The following PHACTR1 variants were observed in gnomAD, a reference collection of about 807,000 sequenced individuals.
PHACTR1 encodes phosphatase and actin regulator 1, also known as RPEL repeat containing 1.
In PHACTR1, 16 loss-of-function variants were observed where a neutral mutation model predicts 69.2. That is an observed-to-expected ratio of 0.23 (90% CI 0.16 to 0.35). The LOEUF (loss-of-function observed/expected upper bound fraction) is 0.35. Among genes scored for constraint, PHACTR1 ranks in the 10% least tolerant of loss-of-function variants. The pLI is 1.00. For missense variants in PHACTR1, 510 were observed against 734.7 expected (o/e 0.69, Z 3.54); for synonymous variants, 312 against 284.5 (o/e 1.10, Z -0.97).
chr6:13,253,051 T>C (rs1373888372), intron 10 of PHACTR1: 1 of 455,192 alleles, frequency 2.2e-6, no homozygotes, highest in South Asian at 1.6e-5. Flanking sequence ...GGAAAATAGC[T>C]GTGGCCCCAC....
intron 5 of PHACTR1, among the ~76,000 whole-genome samples, chr6:13,063,874 C>T (rs111928175): frequency 0.019 from 2,921 of 152,012 alleles, 98 homozygotes; most frequent in African/African-American, 0.066. Context: ...AGAATCTGCT[C>T]ATGAAGGGTC....
chr6:12,863,738 G>T (rs114911186), intron 4 of PHACTR1, among the ~76,000 whole-genome samples: 1 of 152,152 alleles, frequency 6.6e-6, no homozygotes, highest in African/African-American at 2.4e-5. Context: ...TTGATTTGAC[G>T]CTTACCTTCT....
chr6:12,906,602 G>GA (rs1785757793), intron 4 of PHACTR1, among the ~76,000 whole-genome samples: 1 of 152,128 alleles, frequency 6.6e-6, no homozygotes, highest in African/African-American at 2.4e-5. Flanking sequence ...TGGCTCTAGG[G>GA]ATAGTACTAG....
At chr6:13,013,624 A>T (rs913611184) in intron 4 of PHACTR1, among the ~76,000 whole-genome samples, 4 of 151,634 alleles carry the variant, frequency 2.6e-5, no homozygotes, top group African/African-American at 9.7e-5. Context: ...ACCCCGAGAG[A>T]GGTGGGAGTG....
intron 5 of PHACTR1, among the ~76,000 whole-genome samples, chr6:13,094,380 C>T (rs1038159734): frequency 1.3e-5 from 2 of 151,440 alleles, no homozygotes; most frequent in African/African-American, 2.4e-5. Context: ...CTGCAACCTC[C>T]GCCTCCTGGG....
intron 4 of PHACTR1, among the ~76,000 whole-genome samples, chr6:12,751,026 A>G (rs1389838945): frequency 6.6e-6 from 1 of 152,168 alleles, no homozygotes; most frequent in African/African-American, 2.4e-5. Flanking sequence ...TGCATGTGTT[A>G]GAGCAAAGAG....
At chr6:12,889,820 A>T (rs1276088832) in intron 4 of PHACTR1, among the ~76,000 whole-genome samples, 1 of 112,272 alleles carries the variant, frequency 8.9e-6, no homozygotes, top group Admixed American at 1.1e-4. Flanking sequence ...TTTTTAAACG[A>T]CTCCCAAACT....
At chr6:13,284,543 A>AAAAATATATAT (rs1554187813) in intron 13 of PHACTR1, among the ~76,000 whole-genome samples, 5 of 61,348 alleles carry the variant, frequency 8.2e-5, no homozygotes, top group African/African-American at 5.3e-4. Flanking sequence ...AAAAAAAAAA[A>AAAAATATATAT]ATATATATAT....
chr6:13,106,473 A>AT (rs1483400351), intron 5 of PHACTR1, among the ~76,000 whole-genome samples: 3 of 151,936 alleles, frequency 2.0e-5, no homozygotes, highest in Non-Finnish European at 2.9e-5. Context: ...CCCTTTGTTT[A>AT]TTTTTTATTC....
At chr6:12,957,781 T>A in intron 4 of PHACTR1, 1 of 985,528 alleles carries the variant, frequency 1.0e-6, no homozygotes, top group Non-Finnish European at 1.2e-6. Context: ...CGACTTTGGT[T>A]GACACCCTCC....
chr6:12,843,375 G>A (rs1240916714), intron 4 of PHACTR1, among the ~76,000 whole-genome samples: 1 of 152,184 alleles, frequency 6.6e-6, no homozygotes, highest in Non-Finnish European at 1.5e-5. Context: ...CAAATGAGGA[G>A]GTCTAGAATC....
chr6:13,077,725 G>A (rs996265421), intron 5 of PHACTR1, among the ~76,000 whole-genome samples: 1 of 152,136 alleles, frequency 6.6e-6, no homozygotes, highest in Non-Finnish European at 1.5e-5. Flanking sequence ...GGCCAGGGAG[G>A]CTAGTTAGGG....
intron 13 of PHACTR1, 51 bp from the exon 14 acceptor site, chr6:13,286,095 T>TC: frequency 6.7e-7 from 1 of 1,490,936 alleles, no homozygotes; most frequent in Non-Finnish European, 9.0e-7. Flanking sequence ...AAAGGGGAGT[T>TC]TTTTTCTGTC....
intron 4 of PHACTR1, among the ~76,000 whole-genome samples, chr6:12,868,243 G>A (rs1476471415): frequency 3.6e-5 from 5 of 137,626 alleles, no homozygotes; most frequent in East Asian, 2.1e-4. Context: ...GCAACAGGGC[G>A]AGACTCTATC....
chr6:13,193,564 T>A (rs937358545), intron 7 of PHACTR1, among the ~76,000 whole-genome samples: 1 of 151,232 alleles, frequency 6.6e-6, no homozygotes, highest in East Asian at 1.9e-4. Context: ...TTTTTTAAAA[T>A]TTTTTTAGAG....
At chr6:13,208,170 T>C (rs1470529097) in intron 8 of PHACTR1, among the ~76,000 whole-genome samples, 2 of 152,226 alleles carry the variant, frequency 1.3e-5, no homozygotes, top group Non-Finnish European at 2.9e-5. Flanking sequence ...ATTGTCATCT[T>C]ATTTAATCCT....
intron 11 of PHACTR1, among the ~76,000 whole-genome samples, chr6:13,276,304 G>C (rs994847091): frequency 1.3e-5 from 2 of 152,212 alleles, no homozygotes; most frequent in South Asian, 4.1e-4. Context: ...TATGCCCACA[G>C]GCGGTTGGGG....
intron 6 of PHACTR1, among the ~76,000 whole-genome samples, chr6:13,165,407 G>A (rs1759647877): frequency 6.6e-6 from 1 of 152,106 alleles, no homozygotes; most frequent in South Asian, 2.1e-4. Context: ...TGGCTCCCGG[G>A]CTATGTATGT....
chr6:12,965,935 C>G (rs1163895856), intron 4 of PHACTR1, among the ~76,000 whole-genome samples: 1 of 152,108 alleles, frequency 6.6e-6, no homozygotes, highest in African/African-American at 2.4e-5. Context: ...TGAACTCAGA[C>G]TGGAATGTCA....
Sources: gnomAD v4.1 joint callset for allele counts (sites outside exome capture counted in the v4.1 genomes callset) on GRCh38, gnomAD v4.1.1 for gene constraint, MANE v1.5 for transcripts, NCBI Gene and HGNC (gene_info 2026-07-23, HGNC 2026-07-21) for gene names.